Variants in PAK1 observed in about 807,000 individuals in gnomAD.
The protein encoded by PAK1 is p21 (RAC1) activated kinase 1, also known as serine/threonine-protein kinase PAK 1.
Under a neutral mutation model 67.4 loss-of-function variants are expected in PAK1, and 29 were observed. That is an observed-to-expected ratio of 0.43 (90% CI 0.32 to 0.59). The LOEUF is 0.59. PAK1 is among the 20% of genes least tolerant of loss of function. The pLI, the probability that PAK1 is intolerant of heterozygous loss-of-function variation, is 0.07. For missense variants in PAK1, 337 were observed against 670.7 expected, an observed-to-expected ratio of 0.50 and a Z score of 5.50; for synonymous variants, 223 against 237.4, an observed-to-expected ratio of 0.94 and a Z score of 0.56.
rs1179854699 is a variant in PAK1 at position 77,446,859 on chromosome 11, G to A, written c.-22+26693C>T. Among the ~76,000 whole-genome samples the A allele has an allele frequency of 3.3e-5, 5 of 150,260 alleles. No individual in the cohort carries two copies. In the East Asian group the frequency reaches 7.9e-4, roughly 24 times the overall value. Reference sequence around the variant, plus strand: ...CAGACGGTAAGAGATTTCAAAAACTGTTTAGAATAATAGTGAATAGGGGAG... The same window carrying A: ...CAGACGGTAAGAGATTTCAAAAACTATTTAGAATAATAGTGAATAGGGGAG... On this transcript the variant is annotated intron_variant, in intron 1 of 14. Coordinates refer to ENST00000356341, the MANE Select transcript of PAK1 (RefSeq NM_002576.5).
chr11:77,441,476 T>C (rs995635908), intron 1 of PAK1, among the ~76,000 whole-genome samples: 1 of 152,226 alleles, frequency 6.6e-6, no homozygotes. Flanking sequence ...GTAATGCCAA[T>C]ATTTCAACAG....
At position 77,437,488 on chromosome 11, in the gene PAK1, C is replaced by T. The variant is rs114445048; in HGVS notation, c.-22+36064G>A. ...TATTAATTTTATCTTTTAGCTGTCC[C>T]CACAATTCACATGAATACAGACCAC... On this transcript the variant is annotated intron_variant, in intron 1 of 14. Coordinates refer to ENST00000356341, the MANE Select transcript of PAK1 (RefSeq NM_002576.5). Among the ~76,000 whole-genome samples the T allele has an allele frequency of 3.9e-3, 593 of 152,150 alleles. 4 individuals are homozygous for T. The highest frequency in any genetic ancestry group is 0.012 in the African/African-American group (513 of 41,502).
Position 77,455,555 on chromosome 11 carries a change from G to A in PAK1, c.-22+17997C>T, listed in dbSNP as rs1005932443. Among the ~76,000 whole-genome samples, 7 of 130,676 alleles carry A rather than the reference G, an allele frequency of 5.4e-5. No homozygotes were observed. In the East Asian group the frequency reaches 1.5e-3, roughly 27 times the overall value. 85.7% of individuals were successfully genotyped at this position (130,676 alleles called of 152,430 possible). A position where few individuals can be genotyped will look rare whatever the true frequency, so the allele number is the denominator to read the frequency against. On this transcript the variant is annotated intron_variant, in intron 1 of 14. Transcript: ENST00000356341. The stretch of plus-strand genomic sequence containing the variant: ...GACTCAGTTATTCAATGTAGTTTGG[G>A]GAGTTTGTTCCTGGAAGCCCAGCCG...
intron 1 of PAK1, among the ~76,000 whole-genome samples, chr11:77,392,887 A>G (rs941921750): frequency 6.6e-6 from 1 of 152,194 alleles, no homozygotes; most frequent in Non-Finnish European, 1.5e-5. Flanking sequence ...AAATTCTTCA[A>G]CCTCTTAGGT....
intron 1 of PAK1, among the ~76,000 whole-genome samples, chr11:77,400,230 T>C (rs1439195850): frequency 6.6e-6 from 1 of 152,076 alleles, no homozygotes; most frequent in Non-Finnish European, 1.5e-5. Context: ...ATAACATAAA[T>C]GTGAGAGTAC....
chr11:77,495,329 C>G, the PAK1 span, among the ~76,000 whole-genome samples: 1 of 151,624 alleles, frequency 6.6e-6, no homozygotes, highest in Admixed American at 6.6e-5. Context: ...CAAAAATTAG[C>G]CAGGCGCGGT....
chr11:77,488,285 G>A, the PAK1 span, among the ~76,000 whole-genome samples: 45 of 151,996 alleles, frequency 3.0e-4, no homozygotes, highest in East Asian at 3.9e-4. Context: ...CACAACACCC[G>A]AGTCCCTTCA....
chr11:77,521,949 T>C, the PAK1 span, among the ~76,000 whole-genome samples: 1 of 152,234 alleles, frequency 6.6e-6, no homozygotes, highest in Non-Finnish European at 1.5e-5. Context: ...AAACACCTAA[T>C]GAGTCTAGAA....
the PAK1 span, among the ~76,000 whole-genome samples, chr11:77,493,445 ATTTTTTTTTTTT>A: frequency 1.8e-3 from 126 of 70,944 alleles, no homozygotes; most frequent in African/African-American, 8.5e-3. Context: ...TGCCCAGCTA[ATTTTTTTTTTTT>A]TTTTTTTTTT....
chr11:77,462,427 T>A (rs1957394996), intron 1 of PAK1, among the ~76,000 whole-genome samples: 1 of 152,218 alleles, frequency 6.6e-6, no homozygotes, highest in African/African-American at 2.4e-5. Context: ...AGCTACACAT[T>A]TAGCACAGTA....
chr11:77,412,177 GT>G (rs749775118), intron 1 of PAK1: 1 of 152,612 alleles, frequency 6.6e-6, no homozygotes. Context: ...GCTTGTCAGA[GT>G]CCTGTGTGAG....
chr11:77,328,803 T>C (rs960728556), intron 14 of PAK1, among the ~76,000 whole-genome samples: 4 of 151,562 alleles, frequency 2.6e-5, no homozygotes, highest in Admixed American at 6.6e-5. Context: ...CTGAAGGAAA[T>C]AGAGACACAA....
At chr11:77,338,500 T>C (rs73501414) in intron 11 of PAK1, among the ~76,000 whole-genome samples, 4,374 of 152,230 alleles carry the variant, frequency 0.029, 198 homozygotes, top group African/African-American at 0.099. Flanking sequence ...GGAACCCTCA[T>C]ACATTGCTGG....
At chr11:77,490,332 G>T in the PAK1 span, among the ~76,000 whole-genome samples, 99 of 145,212 alleles carry the variant, frequency 6.8e-4, no homozygotes, top group African/African-American at 2.5e-3. Context: ...AGGGAGGTGG[G>T]GGGGTCAGCC....
At chr11:77,447,040 T>A (rs562039801) in intron 1 of PAK1, among the ~76,000 whole-genome samples, 1 of 152,002 alleles carries the variant, frequency 6.6e-6, no homozygotes, top group Non-Finnish European at 1.5e-5. Flanking sequence ...CATAAAGACA[T>A]AGGAAGTATA....
chr11:77,343,385 C>G (rs765870050), intron 10 of PAK1, among the ~76,000 whole-genome samples: 2 of 151,998 alleles, frequency 1.3e-5, no homozygotes, highest in Non-Finnish European at 2.9e-5. Context: ...AGAAAGAGTC[C>G]CACTCTCTCC....
chr11:77,517,323 T>C, the PAK1 span, among the ~76,000 whole-genome samples: 8 of 152,208 alleles, frequency 5.3e-5, no homozygotes, highest in African/African-American at 1.9e-4. Flanking sequence ...TACTATTAAC[T>C]TCTGTGGTCA....
chr11:77,387,660 C>T (rs1950620709), intron 2 of PAK1, among the ~76,000 whole-genome samples: 1 of 152,092 alleles, frequency 6.6e-6, no homozygotes, highest in African/African-American at 2.4e-5. Flanking sequence ...TTAGAAAATG[C>T]TTTTATATCT....
In PAK1 at chr11:77,429,250, G is replaced by A. The variant is rs183893428; in HGVS notation, c.-21-36709C>T. ...CCAACTTCTGATTTGGCTCCTACTG[G>A]CCAAACCAAAGAGAATTTGAGCACC... On this transcript the variant is annotated intron_variant, in intron 1 of 14. Transcript: ENST00000356341. 1.4e-3 allele frequency among the ~76,000 whole-genome samples: 215 copies of A among 151,898 alleles called. 1 individual carries two copies. Among genetic ancestry groups the A allele is most frequent in the African/African-American group, 4.9e-3 (202 of 41,414 alleles).
Sources: allele counts gnomAD v4.1 joint callset (sites outside exome capture counted in the v4.1 genomes callset), GRCh38; gene constraint gnomAD v4.1.1; transcripts MANE v1.5; gene names NCBI Gene and HGNC (gene_info 2026-07-23, HGNC 2026-07-21).